The following TRAPPC9 variants were observed in gnomAD, a reference collection of about 807,000 sequenced individuals.
TRAPPC9 encodes the protein trafficking protein particle complex subunit 9, also known as IKK2 binding protein.
TRAPPC9 carries 83 observed loss-of-function variants against 124.0 expected under a neutral mutation model. That is an observed-to-expected ratio of 0.67 (90% CI 0.56 to 0.80). The LOEUF is 0.80. Among genes scored for constraint, TRAPPC9 ranks in the 30% least tolerant of loss-of-function variants. The pLI, the probability that TRAPPC9 is intolerant of heterozygous loss-of-function variation, is 0.00. For synonymous variants in TRAPPC9, 638 were observed against 617.5 expected (o/e 1.03, Z -0.49); for missense variants, 1,302 against 1,508.3 (o/e 0.86, Z 2.27).
chr8:140,227,462 G>C (rs1453832384), intron 16 of TRAPPC9, among the ~76,000 whole-genome samples: 2 of 152,138 alleles, frequency 1.3e-5, no homozygotes, highest in Non-Finnish European at 2.9e-5. Context: ...GTATGAGTCT[G>C]GTAGATCATC....
intron 5 of TRAPPC9, among the ~76,000 whole-genome samples, chr8:140,412,550 G>C (rs1351713314): frequency 6.6e-6 from 1 of 152,094 alleles, no homozygotes; most frequent in Non-Finnish European, 1.5e-5. Context: ...CTTGTCCTTA[G>C]GAAATGCACA....
At chr8:140,215,649 A>G (rs1473413074) in intron 17 of TRAPPC9, among the ~76,000 whole-genome samples, 11 of 148,688 alleles carry the variant, frequency 7.4e-5, no homozygotes, top group Admixed American at 7.4e-4. Flanking sequence ...CCATCTCCGA[A>G]AAAAAAAAAA....
chr8:139,920,251 C>T (rs1196657787), intron 19 of TRAPPC9, among the ~76,000 whole-genome samples: 1 of 152,186 alleles, frequency 6.6e-6, no homozygotes, highest in East Asian at 1.9e-4. Flanking sequence ...GAGGCTGAGG[C>T]AGGAGAATAA....
intron 16 of TRAPPC9, among the ~76,000 whole-genome samples, chr8:140,244,379 T>C (rs2063929496): frequency 6.6e-6 from 1 of 152,220 alleles, no homozygotes; most frequent in South Asian, 2.1e-4. Context: ...GAAACTGAAA[T>C]GCCACAGTTA....
chr8:140,283,854 G>A (rs1406729662), intron 14 of TRAPPC9, 35 bp downstream of exon 14: 1 of 1,613,182 alleles, frequency 6.2e-7, no homozygotes, highest in Non-Finnish European at 8.5e-7. Flanking sequence ...TGATGCCTCA[G>A]AGCCACTCTG....
In TRAPPC9 at chr8:140,209,943, T is replaced by G. The variant is rs189935986; in HGVS notation, c.2556+11516A>C. On this transcript the variant is annotated intron_variant, in intron 17 of 22. Coordinates refer to ENST00000438773, the MANE Select transcript of TRAPPC9 (RefSeq NM_001160372.4). ...ACATATCCTGATTTGAATTTTAACTTCTACTTAGTAACTGCTTGACCTTGG... is the reference window on the plus strand; with the variant it reads ...ACATATCCTGATTTGAATTTTAACTGCTACTTAGTAACTGCTTGACCTTGG... Among the ~76,000 whole-genome samples, 435 of 152,368 alleles carry G rather than the reference T, an allele frequency of 2.9e-3. 3 individuals are homozygous for G. Among genetic ancestry groups the G allele is most frequent in the African/African-American group, 9.8e-3 (408 of 41,594 alleles).
chr8:140,154,565 C>T (rs1160634162), intron 17 of TRAPPC9, among the ~76,000 whole-genome samples: 1 of 152,174 alleles, frequency 6.6e-6, no homozygotes, highest in Admixed American at 6.5e-5. Context: ...CCTCCTAGCC[C>T]TCTGCCACCT....
intron 8 of TRAPPC9, among the ~76,000 whole-genome samples, chr8:140,365,385 C>T (rs775961755): frequency 3.0e-4 from 46 of 152,186 alleles, no homozygotes; most frequent in Non-Finnish European, 4.4e-4. Context: ...GCACGTGGAA[C>T]GCGTGGTCTC....
chr8:139,839,667 G>A (rs1180237063), intron 21 of TRAPPC9, among the ~76,000 whole-genome samples: 1 of 152,210 alleles, frequency 6.6e-6, no homozygotes, highest in African/African-American at 2.4e-5. Flanking sequence ...TCTTCCCACT[G>A]CTTGTTTCCT....
chr8:140,149,362 G>A (rs1346885952), intron 17 of TRAPPC9, among the ~76,000 whole-genome samples: 2 of 152,212 alleles, frequency 1.3e-5, no homozygotes, highest in Non-Finnish European at 2.9e-5. Context: ...GCTCACAGCT[G>A]TAATCCCAGC....
At chr8:139,850,217 T>C (rs1342728406) in intron 21 of TRAPPC9, among the ~76,000 whole-genome samples, 1 of 152,200 alleles carries the variant, frequency 6.6e-6, no homozygotes, top group African/African-American at 2.4e-5. Context: ...AAGTAGTAAC[T>C]AGAATTTTTG....
chr8:140,281,765 T>A (rs979104894), intron 14 of TRAPPC9, among the ~76,000 whole-genome samples: 1 of 152,234 alleles, frequency 6.6e-6, no homozygotes, highest in East Asian at 1.9e-4. Flanking sequence ...TTTGAGTAAA[T>A]GTTGTCTGTG....
intron 7 of TRAPPC9, among the ~76,000 whole-genome samples, chr8:140,380,993 C>T (rs1369855445): frequency 2.0e-5 from 3 of 151,646 alleles, no homozygotes; most frequent in Non-Finnish European, 4.4e-5. Context: ...TCACTTGAGG[C>T]GAGGAGTTCA....
chr8:139,864,260 T>C (rs938829122), intron 21 of TRAPPC9, among the ~76,000 whole-genome samples: 4 of 152,146 alleles, frequency 2.6e-5, no homozygotes, highest in African/African-American at 4.8e-5. Context: ...CTCTTATCTC[T>C]ACCAACAACA....
chr8:139,757,733 C>A (rs1819950485), intron 21 of TRAPPC9, among the ~76,000 whole-genome samples: 1 of 152,110 alleles, frequency 6.6e-6, no homozygotes, highest in Admixed American at 6.5e-5. Flanking sequence ...GAGGCCTGGT[C>A]TCTTGGGGCC....
At chr8:139,888,018 G>A (rs768353518) in intron 20 of TRAPPC9, among the ~76,000 whole-genome samples, 2 of 152,176 alleles carry the variant, frequency 1.3e-5, no homozygotes, top group Non-Finnish European at 2.9e-5. Flanking sequence ...TGGGCCTGCT[G>A]ATGGCTTCTG....
chr8:139,754,253 C>G (rs1819548540), intron 21 of TRAPPC9, among the ~76,000 whole-genome samples: 1 of 152,168 alleles, frequency 6.6e-6, no homozygotes, highest in African/African-American at 2.4e-5. Context: ...AATGAGTGAC[C>G]CCCAAAGCTC....
rs147842923 is a variant in TRAPPC9, at chr8:140,413,106, G to A, written c.887-7408C>T. 3.1e-3 allele frequency among the ~76,000 whole-genome samples: 469 copies of A among 152,198 alleles called. 3 individuals are homozygous for A. The highest frequency in any genetic ancestry group is 4.3e-3 in the Admixed American group (65 of 15,276). On this transcript the variant is annotated intron_variant, in intron 5 of 22. Transcript: ENST00000438773. ...TGCAATAATTAAAAAGTCACCACCC[G>A]GGTCGGGCACGGTGGCTCACGTCTG...
At chr8:140,224,104 G>C (rs1363766612) in intron 16 of TRAPPC9, among the ~76,000 whole-genome samples, 1 of 152,142 alleles carries the variant, frequency 6.6e-6, no homozygotes, top group African/African-American at 2.4e-5. Flanking sequence ...GAAGAAAATG[G>C]AGGTGCCCAA....
Sources: allele counts gnomAD v4.1 joint callset (sites outside exome capture counted in the v4.1 genomes callset), GRCh38; gene constraint gnomAD v4.1.1; transcripts MANE v1.5; gene names NCBI Gene and HGNC (gene_info 2026-07-23, HGNC 2026-07-21).